The following PTPN11 variants were observed in gnomAD, a reference collection of about 807,000 sequenced individuals.
PTPN11 encodes tyrosine-protein phosphatase non-receptor type 11.
A neutral mutation model predicts 78.8 loss-of-function variants in PTPN11; 6 were observed. The observed-to-expected ratio is 0.08, with a 90% CI of 0.04 to 0.15. The LOEUF (loss-of-function observed/expected upper bound fraction) is 0.15, where lower values mean the gene tolerates loss of function less well. PTPN11 is among the 10% of genes least tolerant of loss of function. The probability of loss-of-function intolerance (pLI) is 1.00; values close to 1 mark genes in which losing one functional copy is unlikely to be tolerated. For missense variants in PTPN11, 386 were observed against 744.8 expected, an observed-to-expected ratio of 0.52 and a Z score of 5.61; for synonymous variants, 221 against 263.5, an observed-to-expected ratio of 0.84 and a Z score of 1.56.
At chr12:112,488,564 G>A (rs2038707852) in intron 12 of PTPN11, 54 bp downstream of exon 12, 2 of 1,522,430 alleles carry the variant, frequency 1.3e-6, no homozygotes, top group South Asian at 2.2e-5. Context: ...TTTATGGAAG[G>A]AAAGTGCTCA....
At chr12:112,434,293 C>CA (rs1436570995) in intron 1 of PTPN11, among the ~76,000 whole-genome samples, 2 of 151,224 alleles carry the variant, frequency 1.3e-5, no homozygotes, top group African/African-American at 2.4e-5. Flanking sequence ...AAACAACAAC[C>CA]AAAAAAACCC....
intron 1 of PTPN11, among the ~76,000 whole-genome samples, chr12:112,441,041 C>T (rs1453684377): frequency 4.1e-5 from 6 of 145,274 alleles, no homozygotes; most frequent in Non-Finnish European, 9.1e-5. Context: ...CTTGGCTCAC[C>T]GCACCCTCCG....
chr12:112,423,716 CATGTAT>C (rs1424389633), intron 1 of PTPN11, among the ~76,000 whole-genome samples: 1 of 147,438 alleles, frequency 6.8e-6, no homozygotes, highest in Non-Finnish European at 1.5e-5. Context: ...TCTACACATA[CATGTAT>C]ATACACACAT....
chr12:112,450,237 C>A, intron 2 of PTPN11, 81 bp from the exon 3 acceptor site: 1 of 1,324,092 alleles, frequency 7.6e-7, no homozygotes, highest in South Asian at 1.2e-5. Context: ...AGGTAAAATC[C>A]GACGTGGAAG....
chr12:112,457,537 A>G (rs1488435882), intron 6 of PTPN11: 1 of 153,770 alleles, frequency 6.5e-6, no homozygotes, highest in African/African-American at 2.4e-5. Context: ...ATACCCAGTA[A>G]TGGGATTGCT....
chr12:112,479,437 T>C lies in PTPN11; in HGVS notation c.1092+1422T>C, dbSNP rs2038560296. Reference sequence around the variant, plus strand: ...GAGCCTTCCTACTGTAATTTTCATATTGGATGTGAAGGGCAGTGTGATTTT... The same window carrying C: ...GAGCCTTCCTACTGTAATTTTCATACTGGATGTGAAGGGCAGTGTGATTTT... On this transcript the variant is annotated intron_variant, in intron 9 of 15. Coordinates refer to ENST00000351677, the MANE Select transcript of PTPN11 (RefSeq NM_002834.5). Among the ~76,000 whole-genome samples the C allele has an allele frequency of 1.3e-5, 2 of 152,222 alleles. 1 individual carries two copies. The highest frequency in any genetic ancestry group is 4.1e-4 in the South Asian group (2 of 4,830).
intron 1 of PTPN11, among the ~76,000 whole-genome samples, chr12:112,431,421 G>A (rs553190479): frequency 9.9e-5 from 15 of 152,234 alleles, no homozygotes; most frequent in African/African-American, 2.9e-4. Context: ...AAATAGATGT[G>A]TCCTTCACCC....
intron 1 of PTPN11, among the ~76,000 whole-genome samples, chr12:112,430,730 A>AT (rs1265612408): frequency 2.0e-5 from 3 of 150,292 alleles, no homozygotes; most frequent in African/African-American, 7.4e-5. Context: ...GCTAATTAAA[A>AT]TTTTTTTTCT....
intron 13 of PTPN11, among the ~76,000 whole-genome samples, chr12:112,489,902 A>T (rs545114662): frequency 6.6e-6 from 1 of 152,306 alleles, no homozygotes; most frequent in African/African-American, 2.4e-5. Flanking sequence ...AGCTCTTTTC[A>T]GAATGGGACC....
At chr12:112,505,673 A>AAC in intron 15 of PTPN11, among the ~76,000 whole-genome samples, 152 bp from the exon 16 acceptor site, 1 of 151,366 alleles carries the variant, frequency 6.6e-6, no homozygotes, top group Admixed American at 6.6e-5. Flanking sequence ...AAAAAAAAAA[A>AAC]AAAAAAAACT....
intron 13 of PTPN11, among the ~76,000 whole-genome samples, chr12:112,491,614 C>T (rs1331680612): frequency 2.0e-5 from 3 of 152,190 alleles, no homozygotes; most frequent in Non-Finnish European, 4.4e-5. Context: ...TGATATAACA[C>T]TATTATCTAA....
chr12:112,431,567 G>A (rs1379343433), intron 1 of PTPN11, among the ~76,000 whole-genome samples: 1 of 152,094 alleles, frequency 6.6e-6, no homozygotes, highest in Non-Finnish European at 1.5e-5. Context: ...CTGACTGTGG[G>A]ACCACCAGAG....
intron 6 of PTPN11, among the ~76,000 whole-genome samples, chr12:112,469,188 C>T (rs1379655623): frequency 6.6e-6 from 1 of 152,118 alleles, no homozygotes; most frequent in Non-Finnish European, 1.5e-5. Flanking sequence ...AAAGTATTCC[C>T]TTTGTGTTGT....
intron 13 of PTPN11, among the ~76,000 whole-genome samples, chr12:112,496,347 T>C (rs2038814514): frequency 6.6e-6 from 1 of 152,272 alleles, no homozygotes; most frequent in Admixed American, 6.5e-5. Flanking sequence ...AGCCCTAGAA[T>C]CATCCATTTT....
chr12:112,488,947 C>T (rs2038712336), intron 12 of PTPN11, 77 bp from the exon 13 acceptor site: 2 of 1,559,410 alleles, frequency 1.3e-6, no homozygotes. Context: ...TCTCTGAGTC[C>T]ACTAAAAGTT....
rs1592830041 is a variant in PTPN11 at position 112,454,545 on chromosome 12, C to A, written c.526-19C>A. On this transcript the variant is annotated intron_variant, in intron 4 of 15. Transcript: ENST00000351677. ...CATAAAGGTAACAAATAATAAATGTCATGTGTTTATCTTGAAAGGAACTGA... is the reference window on the plus strand; with the variant it reads ...CATAAAGGTAACAAATAATAAATGTAATGTGTTTATCTTGAAAGGAACTGA... 1 of 1,539,216 alleles carries A rather than the reference C, an allele frequency of 6.5e-7. No individual in the cohort carries two copies. Among genetic ancestry groups the A allele is most frequent in the Non-Finnish European group, 9.0e-7 (1 of 1,112,818 alleles).
At chr12:112,429,888 A>G (rs1232870217) in intron 1 of PTPN11, among the ~76,000 whole-genome samples, 3 of 152,168 alleles carry the variant, frequency 2.0e-5, no homozygotes, top group Non-Finnish European at 4.4e-5. Flanking sequence ...AATTTTTAGA[A>G]CTAAATAGCA....
At chr12:112,474,950 A>T (rs1309016967) in intron 7 of PTPN11, among the ~76,000 whole-genome samples, 5 of 151,924 alleles carry the variant, frequency 3.3e-5, no homozygotes, top group Admixed American at 6.6e-5. Flanking sequence ...GTAACACCCA[A>T]ATGCCACCAG....
chr12:112,462,657 A>C (rs1022110519), intron 6 of PTPN11, among the ~76,000 whole-genome samples: 3 of 152,202 alleles, frequency 2.0e-5, no homozygotes, highest in Admixed American at 6.5e-5. Context: ...CCCATATCCC[A>C]CTTTTTCTTA....
Sources: allele counts gnomAD v4.1 joint callset (sites outside exome capture counted in the v4.1 genomes callset), GRCh38; gene constraint gnomAD v4.1.1; transcripts MANE v1.5; gene names NCBI Gene and HGNC (gene_info 2026-07-23, HGNC 2026-07-21).